The following DNHD1 variants were observed in gnomAD, a reference collection of about 807,000 sequenced individuals.
DNHD1 encodes dynein heavy chain domain-containing protein 1.
A neutral mutation model predicts 458.1 loss-of-function variants in DNHD1; 383 were observed. That is an observed-to-expected ratio of 0.84 (90% CI 0.77 to 0.91). DNHD1 has a LOEUF of 0.91. Among genes scored for constraint, DNHD1 ranks in the 40% least tolerant of loss-of-function variants. The pLI is 0.00. For missense variants in DNHD1, 5,336 were observed against 5,866.1 expected, an observed-to-expected ratio of 0.91 and a Z score of 2.95; for synonymous variants, 2,203 against 2,376.9, an observed-to-expected ratio of 0.93 and a Z score of 2.13.
At chr11:6,539,398 A>C (rs539191613) in intron 17 of DNHD1, 85 bp downstream of exon 17, 1 of 1,013,716 alleles carries the variant, frequency 9.9e-7, no homozygotes, top group African/African-American at 1.6e-5. Context: ...GGTGTTTGGC[A>C]TGTGATTTAA....
chr11:6,510,547 G>A (rs1430010432), intron 6 of DNHD1, among the ~76,000 whole-genome samples: 1 of 152,168 alleles, frequency 6.6e-6, no homozygotes, highest in East Asian at 1.9e-4. Flanking sequence ...TAAGGGCTTG[G>A]GAGACGGGAC....
chr11:6,565,527 A>G (rs1378261377), intron 32 of DNHD1, among the ~76,000 whole-genome samples, 168 bp from the exon 33 acceptor site: 1 of 152,212 alleles, frequency 6.6e-6, no homozygotes, highest in Non-Finnish European at 1.5e-5. Context: ...CACTAATATC[A>G]ACCCCATTTT....
intron 14 of DNHD1, among the ~76,000 whole-genome samples, chr11:6,537,013 T>C (rs1852965479): frequency 6.6e-6 from 1 of 152,228 alleles, no homozygotes; most frequent in Non-Finnish European, 1.5e-5. Context: ...ATGGATGATG[T>C]GCACATGTGT....
rs1385727446 is a variant in DNHD1, at chr11:6,538,604, C to T, written c.3127-8C>T. ...TCTCAAGCTGACAGTGAGCCCTTCT[C>T]CCTGCAGTTCAGCCCAGCTATGGCC... is the stretch of plus-strand genomic sequence containing the variant. On this transcript the variant is annotated splice_polypyrimidine_tract_variant and splice_region_variant and intron_variant, in intron 15 of 42. Transcript: ENST00000254579. 4.5e-6 allele frequency: 7 copies of T among 1,546,988 alleles called. No individual in the cohort carries two copies. Among genetic ancestry groups the T allele is most frequent in the Non-Finnish European group, 6.1e-6 (7 of 1,143,974 alleles).
At chr11:6,570,179 C>G in intron 40 of DNHD1, 68 bp from the exon 41 acceptor site, 1 of 1,613,690 alleles carries the variant, frequency 6.2e-7, no homozygotes, top group Non-Finnish European at 8.5e-7. Context: ...ATACAATTCA[C>G]AGCTTTGGTT....
chr11:6,567,882 C>T (rs1048551987), intron 36 of DNHD1, 22 bp downstream of exon 36: 48 of 1,590,024 alleles, frequency 3.0e-5, no homozygotes, highest in Non-Finnish European at 3.9e-5. Flanking sequence ...GTTTCTTGGC[C>T]ACAGAGTGAC....
chr11:6,524,626 G>A (rs1852672428), intron 10 of DNHD1, among the ~76,000 whole-genome samples: 1 of 152,176 alleles, frequency 6.6e-6, no homozygotes, highest in Non-Finnish European at 1.5e-5. Context: ...CTATGGCAAG[G>A]GGATGTGTCA....
At position 6,570,816 on chromosome 11, in the gene DNHD1, C is replaced by G; in HGVS notation, c.13304C>G (p.Ala4435Gly). 1 of 1,613,922 alleles carries G rather than the reference C, an allele frequency of 6.2e-7. No individual in the cohort carries two copies. Among genetic ancestry groups the G allele is most frequent in the African/African-American group, 1.3e-5 (1 of 75,068 alleles). The change falls in exon 42 of 43, where the codon GCG becomes GGG. Residue 4435 changes from alanine (A) to glycine (G), a missense_variant. Ala to Gly is a moderately conservative substitution (Grantham distance 60). Around this residue, in one of 4 missense-constraint regions of DNHD1, gnomAD observed 698 missense variants for 664.9 expected, o/e 1.05. Transcript: ENST00000254579. Reference sequence around the variant, plus strand: ...GAGTCTCGAAGAGGCGCCCAGCTTGCGGAAAGGCGACTGCGGCAACGCCTA... The same window carrying G: ...GAGTCTCGAAGAGGCGCCCAGCTTGGGGAAAGGCGACTGCGGCAACGCCTA... ...VPESRRGAQLAERRLRQRLVQ... is the reference protein window; with the variant it reads ...VPESRRGAQLGERRLRQRLVQ...
chr11:6,538,919 G>T lies in DNHD1; in HGVS notation c.3325+109G>T, dbSNP rs187934110. 712 of 1,165,050 alleles carry T rather than the reference G, an allele frequency of 6.1e-4. 4 individuals are homozygous for T. In the African/African-American group the frequency reaches 9.8e-3, roughly 16 times the overall value. The allele number at this position is 1,165,050 out of a possible 1,614,324, so 72.2% of individuals were successfully genotyped here. ...TGCTGGAAACACCTTTCATCCCCAA[G>T]TTTCTCCCTACCTTTCCCACATATT... On this transcript the variant is annotated intron_variant, in intron 16 of 42. Coordinates refer to ENST00000254579, the MANE Select transcript of DNHD1 (RefSeq NM_144666.3).
Position 6,567,596 on chromosome 11 carries a change from G to A in DNHD1, c.12087G>A (p.Gly4029=). Reference sequence around the variant, plus strand: ...CCACAGTGCTGGGTCCTGCACCTGGGCCAGGGCCTGAGCCACTCAGCCTCC... The same window carrying A: ...CCACAGTGCTGGGTCCTGCACCTGGACCAGGGCCTGAGCCACTCAGCCTCC... ...LSSTVLGPAP[G]PGPEPLSLLQ... Residue 4029 remains glycine (G), a synonymous_variant, in exon 36 of 43, where the codon GGG becomes GGA. Coordinates refer to ENST00000254579, the MANE Select transcript of DNHD1 (RefSeq NM_144666.3). 6.2e-7 allele frequency: 1 copy of A among 1,613,412 alleles called. No individual in the cohort carries two copies. Among genetic ancestry groups the A allele is most frequent in the East Asian group, 2.2e-5 (1 of 44,876 alleles).
At position 6,563,017 on chromosome 11, in the gene DNHD1, C is replaced by A. The variant is rs1453804000; in HGVS notation, c.9555C>A (p.Ser3185Arg). 1 of 1,551,718 alleles carries A rather than the reference C, an allele frequency of 6.4e-7. No individual in the cohort carries two copies. Among genetic ancestry groups the A allele is most frequent in the Non-Finnish European group, 8.7e-7 (1 of 1,147,000 alleles). ...TGTTTCAGCAGCAGCTAGAGCAAAG[C>A]AAGCTCCTATACAAGCAGCAGCTGG... Reference protein sequence around the residue: ...LSMFQQQLEQSKLLYKQQLEE... With the variant: ...LSMFQQQLEQRKLLYKQQLEE... Residue 3185 changes from serine (S) to arginine (R), a missense_variant, in exon 29 of 43, where the codon AGC (serine) becomes AGA (arginine). Physicochemically the swap from Ser to Arg is moderately radical, Grantham distance 110. Transcript: ENST00000254579.
chr11:6,512,369 C>T (rs1414871756), intron 7 of DNHD1, among the ~76,000 whole-genome samples: 16 of 148,020 alleles, frequency 1.1e-4, no homozygotes, highest in Non-Finnish European at 2.2e-4. Context: ...TACAGGCACC[C>T]ACCACCATGC....
chr11:6,538,285 C>T (rs1037187421), intron 14 of DNHD1, 98 bp from the exon 15 acceptor site: 12 of 1,148,506 alleles, frequency 1.0e-5, no homozygotes, highest in Non-Finnish European at 1.5e-5. Context: ...ACTTTCTGGA[C>T]CCTACCTTCT....
intron 28 of DNHD1, 77 bp downstream of exon 28, chr11:6,559,360 A>T: frequency 8.3e-7 from 1 of 1,208,424 alleles, no homozygotes; most frequent in Non-Finnish European, 1.2e-6. Context: ...AAGCAACCAG[A>T]ATGAACCTTA....
In DNHD1 at chr11:6,563,568, G is replaced by A; in HGVS notation, c.9852+4G>A. 6.4e-7 allele frequency: 1 copy of A among 1,551,324 alleles called. No homozygotes were observed. Among genetic ancestry groups the A allele is most frequent in the Non-Finnish European group, 8.7e-7 (1 of 1,146,958 alleles). ...ATGCACTGAGGATTTTTATCAGGTA[G>A]GAAGGGTGGAGCACAATGAAGGAGG... On this transcript the variant is annotated splice_donor_region_variant and intron_variant, in intron 30 of 42. Transcript: ENST00000254579.
intron 12 of DNHD1, among the ~76,000 whole-genome samples, chr11:6,532,375 AG>A (rs1852843510): frequency 6.6e-6 from 1 of 152,192 alleles, no homozygotes; most frequent in Non-Finnish European, 1.5e-5. Context: ...CATACTGCCA[AG>A]GGCAGCTTCC....
chr11:6,532,954 C>A, intron 12 of DNHD1, 73 bp from the exon 13 acceptor site: 1 of 1,438,732 alleles, frequency 7.0e-7, no homozygotes, highest in Non-Finnish European at 9.4e-7. Flanking sequence ...TACTCCCACT[C>A]TGGACCACAG....
At chr11:6,539,335 C>A in intron 17 of DNHD1, 22 bp downstream of exon 17, 2 of 1,523,546 alleles carry the variant, frequency 1.3e-6, no homozygotes, top group Non-Finnish European at 1.8e-6. Flanking sequence ...AGTACAGGGG[C>A]GAGGGAGGTG....
In DNHD1 at chr11:6,545,365, T is replaced by G; in HGVS notation, c.4426T>G (p.Ser1476Ala). ...CVAARLARGPSLGEALKQLPK... is the reference protein window; with the variant it reads ...CVAARLARGPALGEALKQLPK... ...GGCTGCTCGCCTTGCTCGAGGCCCA[T>G]CTCTAGGTGAGGCCCTCAAGCAACT... The change falls in exon 21 of 43, where the codon TCT becomes GCT. Residue 1476 changes from serine (S) to alanine (A), a missense_variant. By Grantham distance (99) the Ser-to-Ala change is moderately conservative. This residue lies in a region of DNHD1 where 3,932 missense variants were observed against 4,365.6 expected (regional missense o/e 0.90). Transcript: ENST00000254579. This position sits in a 1 kb window ranked among gnomAD's most constrained non-coding sequence, Gnocchi z 4.9. The G allele has an allele frequency of 6.4e-7, 1 of 1,551,756 alleles. No individual in the cohort carries two copies. Among genetic ancestry groups the G allele is most frequent in the Non-Finnish European group, 8.7e-7 (1 of 1,147,020 alleles).
Sources: allele counts gnomAD v4.1 joint callset (sites outside exome capture counted in the v4.1 genomes callset), GRCh38; gene constraint gnomAD v4.1.1; regional missense constraint gnomAD v4.1.1; non-coding constraint Gnocchi (gnomAD v3.1); transcripts MANE v1.5; gene names NCBI Gene and HGNC (gene_info 2026-07-23, HGNC 2026-07-21).